Variants in ADAMTS18 observed in about 807,000 individuals in gnomAD.
The protein encoded by ADAMTS18 is ADAM metallopeptidase with thrombospondin type 1 motif 18.
ADAMTS18 carries 157 observed loss-of-function variants against 165.9 expected under a neutral mutation model. The observed-to-expected ratio is 0.95, with a 90% CI of 0.83 to 1.08. The LOEUF is 1.08. ADAMTS18 is among the 50% of genes least tolerant of loss of function. ADAMTS18 has a pLI of 0.00. For missense variants in ADAMTS18, 2,040 were observed against 1,534.0 expected (o/e 1.33, Z -5.51); for synonymous variants, 782 against 578.2 (o/e 1.35, Z -5.06).
intron 3 of ADAMTS18, among the ~76,000 whole-genome samples, chr16:77,403,241 C>T (rs1567543643): frequency 6.6e-6 from 1 of 152,150 alleles, no homozygotes; most frequent in South Asian, 2.1e-4. Context: ...ACCATTAGTC[C>T]AGAAAGAATT....
At chr16:77,329,996 GCT>G (rs980788817) in intron 12 of ADAMTS18, among the ~76,000 whole-genome samples, 6 of 152,220 alleles carry the variant, frequency 3.9e-5, no homozygotes, top group African/African-American at 1.4e-4. Flanking sequence ...CACTTGGAGA[GCT>G]CTGTTAAACT....
At chr16:77,349,050 T>C (rs1234058340) in intron 10 of ADAMTS18, among the ~76,000 whole-genome samples, 2 of 152,204 alleles carry the variant, frequency 1.3e-5, no homozygotes. Flanking sequence ...TGGCATGCAG[T>C]AAACTTGGTA....
rs1597094209 is a variant in ADAMTS18 at position 77,300,363 on chromosome 16, A to G, written c.2574T>C (p.Tyr858=). The G allele has an allele frequency of 1.2e-6, 2 of 1,613,882 alleles. No homozygotes were observed. Among genetic ancestry groups the G allele is most frequent in the African/African-American group, 1.3e-5 (1 of 74,896 alleles). ...TTCCATTCATGACCTTGGGAAGTGC[A>G]TACTTCCAAGCTATCCCTGGATTTT... ...QGKNPGIAWK[Y]ALPKVMNGTP... The change falls in exon 17 of 23, where the codon TAT becomes TAC. Residue 858 remains tyrosine (Y), a synonymous_variant. Transcript: ENST00000282849.
At chr16:77,416,888 G>A (rs1424123999) in intron 3 of ADAMTS18, among the ~76,000 whole-genome samples, 2 of 152,142 alleles carry the variant, frequency 1.3e-5, no homozygotes, top group East Asian at 3.9e-4. Flanking sequence ...AGTGATGGCA[G>A]CAGTGGTAAG....
At chr16:77,415,164 G>A (rs1217109036) in intron 3 of ADAMTS18, among the ~76,000 whole-genome samples, 2 of 152,232 alleles carry the variant, frequency 1.3e-5, no homozygotes, top group Non-Finnish European at 2.9e-5. Context: ...TTCATGAAGT[G>A]TGTAGGCAAA....
In ADAMTS18 at chr16:77,376,841, G is replaced by T. The variant is rs552797487; in HGVS notation, c.496-9118C>A. On this transcript the variant is annotated intron_variant, in intron 3 of 22. Transcript: ENST00000282849. ...TTTTTTTTTTTTTTTTTGAGACAGG[G>T]TCTCCCTGCAACACCCAGGCTGGAG... is the stretch of plus-strand genomic sequence containing the variant. Among the ~76,000 whole-genome samples, 12 of 136,584 alleles carry T rather than the reference G, an allele frequency of 8.8e-5. No individual in the cohort carries two copies. In the South Asian group the frequency reaches 2.7e-3, roughly 31 times the overall value. The allele number at this position is 136,584 out of a possible 152,430, so 89.6% of individuals were successfully genotyped here.
At chr16:77,372,405 T>A (rs937838970) in intron 3 of ADAMTS18, among the ~76,000 whole-genome samples, 2 of 152,184 alleles carry the variant, frequency 1.3e-5, no homozygotes, top group Admixed American at 1.3e-4. Flanking sequence ...GTGGTATATA[T>A]ACACAATGGA....
intron 3 of ADAMTS18, among the ~76,000 whole-genome samples, chr16:77,411,798 T>G (rs1467906402): frequency 2.0e-5 from 3 of 150,054 alleles, no homozygotes; most frequent in African/African-American, 2.5e-5. Flanking sequence ...GCGATTCTCC[T>G]GTCTCAGCCT....
At chr16:77,389,563 G>A (rs1162477591) in intron 3 of ADAMTS18, among the ~76,000 whole-genome samples, 3 of 152,290 alleles carry the variant, frequency 2.0e-5, no homozygotes, top group South Asian at 4.1e-4. Context: ...GAAGCCCTCA[G>A]GGTAGTCAGT....
Position 77,297,410 on chromosome 16 carries a change from T to G in ADAMTS18, c.2680A>C (p.Ile894Leu). 1 of 1,612,442 alleles carries G rather than the reference T, an allele frequency of 6.2e-7. No individual in the cohort carries two copies. Residue 894 changes from isoleucine to leucine, a missense_variant, in exon 18 of 23, where the codon ATA (isoleucine) becomes CTA (leucine). By Grantham distance (5) the Ile-to-Leu change is conservative. Transcript: ENST00000282849. ...CGCAAGCAAATGGCCTTTACATTTA[T>G]GTAACCTGGTAAGACATCAGAAGTG... ...ECSVSCGGGY[I>L]NVKAICLRDQ... is the part of the protein sequence containing the mutation.
intron 3 of ADAMTS18, among the ~76,000 whole-genome samples, chr16:77,421,971 C>A (rs746141871): frequency 6.6e-6 from 1 of 152,072 alleles, no homozygotes; most frequent in Non-Finnish European, 1.5e-5. Context: ...TTTAATTAAT[C>A]CCTCTTCCCC....
rs1023735280 is a variant in ADAMTS18 at position 77,396,203 on chromosome 16, G to C, written c.496-28480C>G. Among the ~76,000 whole-genome samples the C allele has an allele frequency of 6.6e-5, 10 of 152,148 alleles. No homozygotes were observed. The South Asian group carries it at 8.3e-4, about 13-fold the overall frequency. ...TCCACCCAAGTTTTACCTAGAATCAGAGAATTTTTAATCTCTAGACATTCC... is the reference window on the plus strand; with the variant it reads ...TCCACCCAAGTTTTACCTAGAATCACAGAATTTTTAATCTCTAGACATTCC... On this transcript the variant is annotated intron_variant, in intron 3 of 22. Transcript: ENST00000282849.
At chr16:77,300,073 G>A in intron 17 of ADAMTS18, 190 bp downstream of exon 17, 1 of 619,794 alleles carries the variant, frequency 1.6e-6, no homozygotes, top group Non-Finnish European at 2.8e-6. Flanking sequence ...TGAGCTTTGT[G>A]AGAGTTGATT....
At chr16:77,334,830 C>A (rs890708862) in intron 12 of ADAMTS18, among the ~76,000 whole-genome samples, 1 of 120,894 alleles carries the variant, frequency 8.3e-6, no homozygotes, top group Non-Finnish European at 1.6e-5. Flanking sequence ...ATACTATATA[C>A]TATAGTATAC....
chr16:77,356,390 G>C (rs1311911040), intron 8 of ADAMTS18, among the ~76,000 whole-genome samples: 6 of 152,188 alleles, frequency 3.9e-5, no homozygotes, highest in African/African-American at 1.4e-4. Context: ...CAAAGTGATG[G>C]AACAGCCAAA....
intron 3 of ADAMTS18, among the ~76,000 whole-genome samples, chr16:77,374,036 T>C (rs956251198): frequency 9.9e-5 from 15 of 152,004 alleles, no homozygotes; most frequent in African/African-American, 3.4e-4. Context: ...CTAGCCAACA[T>C]GGTGAAACCT....
chr16:77,403,233 C>T (rs1281757180), intron 3 of ADAMTS18, among the ~76,000 whole-genome samples: 1 of 152,110 alleles, frequency 6.6e-6, no homozygotes, highest in Admixed American at 6.6e-5. Context: ...GTGTTAGTAC[C>T]ATTAGTCCAG....
chr16:77,292,754 G>A (rs948823367), intron 20 of ADAMTS18, among the ~76,000 whole-genome samples: 1 of 152,192 alleles, frequency 6.6e-6, no homozygotes, highest in African/African-American at 2.4e-5. Context: ...ATCAATGTGT[G>A]CAACACAAAG....
Position 77,434,655 on chromosome 16 carries a change from G to T in ADAMTS18, c.41C>A (p.Ala14Glu), listed in dbSNP as rs1245196054. The T allele has an allele frequency of 2.7e-6, 4 of 1,479,682 alleles. No homozygotes were observed. Among genetic ancestry groups the T allele is most frequent in the Middle Eastern group, 2.2e-4 (1 of 4,470 alleles). 91.7% of individuals were successfully genotyped at this position (1,479,682 alleles called of 1,614,324 possible). Residue 14 changes from alanine to glutamate, a missense_variant, in exon 1 of 23, where the codon GCG (alanine) becomes GAG (glutamate). Physicochemically the swap from Ala to Glu is moderately radical, Grantham distance 107 (BLOSUM62 -1). Coordinates refer to ENST00000282849, the MANE Select transcript of ADAMTS18 (RefSeq NM_199355.4). The part of the protein sequence containing the change: ...ALLLACAFPA[A>E]GSGPPRGLAG... ...CAGGCCCCTCGGCGGGCCCGAACCCGCAGCCGGGAAGGCACACGCGAGCAG... is the reference window on the plus strand; with the variant it reads ...CAGGCCCCTCGGCGGGCCCGAACCCTCAGCCGGGAAGGCACACGCGAGCAG...
Sources: gnomAD v4.1 joint callset for allele counts (sites outside exome capture counted in the v4.1 genomes callset) on GRCh38, gnomAD v4.1.1 for gene constraint, MANE v1.5 for transcripts, NCBI Gene and HGNC (gene_info 2026-07-23, HGNC 2026-07-21) for gene names.